Variants in ACER1 observed in about 807,000 individuals in gnomAD.
ACER1 encodes the protein CTB-180A7.3.
ACER1 carries 28 observed loss-of-function variants against 24.9 expected under a neutral mutation model. The ratio of observed to expected loss-of-function variants is 1.13; its 90% confidence interval spans 0.83 to 1.54. The LOEUF is 1.54. ACER1 is among the 40% of genes most tolerant of loss of function. The probability of loss-of-function intolerance (pLI) is 0.00; values close to 1 mark genes in which losing one functional copy is unlikely to be tolerated. For synonymous variants in ACER1, 132 were observed against 131.4 expected, an observed-to-expected ratio of 1.00 and a Z score of -0.03; for missense variants, 352 against 349.3, an observed-to-expected ratio of 1.01 and a Z score of -0.06.
chr19:6,318,048 G>A (rs868458822), intron 1 of ACER1, among the ~76,000 whole-genome samples: 9 of 151,986 alleles, frequency 5.9e-5, no homozygotes, highest in Admixed American at 5.3e-4. Flanking sequence ...CAGGCTGGGC[G>A]CGGTGGCTCA....
chr19:6,355,734 G>C, the ACER1 span, among the ~76,000 whole-genome samples: 1 of 135,876 alleles, frequency 7.4e-6, no homozygotes, highest in Admixed American at 7.1e-5. Context: ...CAGCCGCCCC[G>C]TCCAGGAGGG....
chr19:6,320,931 C>T (rs910123289), intron 1 of ACER1, among the ~76,000 whole-genome samples: 5 of 151,306 alleles, frequency 3.3e-5, no homozygotes, highest in Non-Finnish European at 5.9e-5. Flanking sequence ...TGTATTCACT[C>T]GTAATAAGAA....
the ACER1 span, chr19:6,343,896 T>TC: frequency 1.3e-5 from 2 of 152,196 alleles, no homozygotes; most frequent in African/African-American, 4.8e-5. Flanking sequence ...TGGATTTATG[T>TC]CCCCCTGAGA....
At chr19:6,312,612 C>G in intron 1 of ACER1, 113 bp from the exon 2 acceptor site, 1 of 748,528 alleles carries the variant, frequency 1.3e-6, no homozygotes. Flanking sequence ...GCATTTCAGG[C>G]AATGCATCAA....
intron 1 of ACER1, among the ~76,000 whole-genome samples, chr19:6,324,597 A>AG (rs1368156522): frequency 1.4e-5 from 2 of 143,304 alleles, no homozygotes; most frequent in Non-Finnish European, 3.0e-5. Context: ...ATCTCTACTA[A>AG]AAAAAAAAAA....
At position 6,333,567 on chromosome 19, in the gene ACER1, A is replaced by G; in HGVS notation, c.-16T>C. ...TGCTAGGCATCTTGTCTCAGTGGCC[A>G]CCACCAGCCGGCTGCGCCCGGCAGA... On this transcript the variant is annotated 5_prime_UTR_variant, in exon 1 of 6. Transcript: ENST00000301452. The G allele has an allele frequency of 6.4e-7, 1 of 1,564,560 alleles. No homozygotes were observed. The highest frequency in any genetic ancestry group is 8.7e-7 in the Non-Finnish European group (1 of 1,153,292).
chr19:6,326,149 G>A (rs1462404418), intron 1 of ACER1, among the ~76,000 whole-genome samples: 1 of 136,194 alleles, frequency 7.3e-6, no homozygotes, highest in African/African-American at 2.9e-5. Flanking sequence ...TTTTAAAGAC[G>A]GAGTCTCGCT....
chr19:6,338,291 C>A (rs2091722772), upstream of ACER1, among the ~76,000 whole-genome samples: 1 of 151,692 alleles, frequency 6.6e-6, no homozygotes, highest in South Asian at 2.1e-4. Flanking sequence ...TGTGCCCTGG[C>A]CAAAATAAAT....
intron 1 of ACER1, among the ~76,000 whole-genome samples, chr19:6,313,492 C>A (rs1043746716): frequency 6.6e-6 from 1 of 152,208 alleles, no homozygotes; most frequent in Non-Finnish European, 1.5e-5. Context: ...CTACATTTCC[C>A]AGCCTTCGCT....
intron 4 of ACER1, 74 bp downstream of exon 4, chr19:6,309,614 ACGTCCCCTC>A: frequency 6.4e-7 from 1 of 1,559,264 alleles, no homozygotes; most frequent in Non-Finnish European, 8.8e-7. Flanking sequence ...TGGAGAAGGG[ACGTCCCCTC>A]CGCGAGCCTG....
chr19:6,313,850 C>G (rs1348706263), intron 1 of ACER1, among the ~76,000 whole-genome samples: 2 of 152,162 alleles, frequency 1.3e-5, no homozygotes, highest in East Asian at 1.9e-4. Context: ...GACTGGCTAC[C>G]CTTGAAGCCA....
the ACER1 span, among the ~76,000 whole-genome samples, chr19:6,355,730 C>T: frequency 6.8e-6 from 1 of 146,370 alleles, no homozygotes; most frequent in East Asian, 2.0e-4. Context: ...CGGCCAGCCG[C>T]CCCGTCCAGG....
At position 6,315,872 on chromosome 19, in the gene ACER1, G is replaced by A. The variant is rs181950949; in HGVS notation, c.94-3373C>T. 1.2e-4 allele frequency among the ~76,000 whole-genome samples: 18 copies of A among 152,326 alleles called. No individual in the cohort carries two copies. In the East Asian group the frequency reaches 2.9e-3, roughly 25 times the overall value. ...AGCCCAGGTGTGGTGACTCACACCT[G>A]TAATCTCAGCACTTGGGGAGGTTGA... On this transcript the variant is annotated intron_variant, in intron 1 of 5. Coordinates refer to ENST00000301452, the MANE Select transcript of ACER1 (RefSeq NM_133492.3).
chr19:6,342,597 T>A, the ACER1 span, among the ~76,000 whole-genome samples: 1 of 151,100 alleles, frequency 6.6e-6, no homozygotes, highest in East Asian at 2.0e-4. Flanking sequence ...CGGGCGCCTG[T>A]AGTCCCAGTT....
intron 1 of ACER1, among the ~76,000 whole-genome samples, chr19:6,315,182 CTTATTTATTTATAT>C (rs780217179): frequency 2.9e-5 from 4 of 138,816 alleles, no homozygotes; most frequent in Non-Finnish European, 1.5e-5. Context: ...TGCACCCGGC[CTTATTTATTTATAT>C]TTATTTATTT....
At chr19:6,335,878 T>A (rs925398790), upstream of ACER1, among the ~76,000 whole-genome samples, 11 of 150,900 alleles carry the variant, frequency 7.3e-5, no homozygotes, top group Non-Finnish European at 3.0e-5. Context: ...GTTATCCCTT[T>A]TCTTTTTCTT....
At chr19:6,349,075 AAGG>A in the ACER1 span, among the ~76,000 whole-genome samples, 51 of 150,908 alleles carry the variant, frequency 3.4e-4, no homozygotes, top group African/African-American at 1.2e-3. Flanking sequence ...GGAGAAGAAG[AAGG>A]AGGAGGAGGA....
At position 6,307,148 on chromosome 19, in the gene ACER1, C is replaced by G. The variant is rs763271446; in HGVS notation, c.626+5G>C. 1 of 1,613,992 alleles carries G rather than the reference C, an allele frequency of 6.2e-7. No individual in the cohort carries two copies. The highest frequency in any genetic ancestry group is 1.1e-5 in the South Asian group (1 of 91,084). ...GCCCCCCACAGCCTCAGAGCATGTG[C>G]TTACCAGATGCTGTGCAGATAGAAG... On this transcript the variant is annotated splice_donor_5th_base_variant and intron_variant, in intron 5 of 5. Transcript: ENST00000301452.
chr19:6,318,928 T>C (rs1242391367), intron 1 of ACER1, among the ~76,000 whole-genome samples: 1 of 151,494 alleles, frequency 6.6e-6, no homozygotes, highest in African/African-American at 2.4e-5. Flanking sequence ...CCCTGCTGCC[T>C]GGCCCTGTGA....
Sources: gnomAD v4.1 joint callset for allele counts (sites outside exome capture counted in the v4.1 genomes callset) on GRCh38, gnomAD v4.1.1 for gene constraint, MANE v1.5 for transcripts, NCBI Gene and HGNC (gene_info 2026-07-23, HGNC 2026-07-21) for gene names.